Variants in LRRC4C observed in about 807,000 individuals in gnomAD.
LRRC4C encodes leucine rich repeat containing 4C.
In LRRC4C, 5 loss-of-function variants were observed where a neutral mutation model predicts 33.6. The observed-to-expected ratio is 0.15, with a 90% CI of 0.08 to 0.31. The LOEUF (loss-of-function observed/expected upper bound fraction) is 0.31, where lower values mean the gene tolerates loss of function less well. LRRC4C is among the 10% of genes least tolerant of loss of function. LRRC4C has a pLI of 1.00. For synonymous variants in LRRC4C, 329 were observed against 302.0 expected, an observed-to-expected ratio of 1.09 and a Z score of -0.93; for missense variants, 560 against 796.7, an observed-to-expected ratio of 0.70 and a Z score of 3.58.
chr11:41,385,306 C>T (rs1055826801), intron 1 of LRRC4C, among the ~76,000 whole-genome samples: 2 of 151,558 alleles, frequency 1.3e-5, no homozygotes, highest in African/African-American at 4.8e-5. Flanking sequence ...AGAATATACT[C>T]TTGTATTTCT....
intron 1 of LRRC4C, among the ~76,000 whole-genome samples, chr11:40,936,372 C>G (rs1358928538): frequency 7.5e-6 from 1 of 133,414 alleles, no homozygotes; most frequent in African/African-American, 2.8e-5. Context: ...GAGTCTCACT[C>G]TGCTGCCCAG....
intron 2 of LRRC4C, among the ~76,000 whole-genome samples, chr11:40,675,115 C>T (rs1256166669): frequency 6.6e-6 from 1 of 152,066 alleles, no homozygotes; most frequent in Non-Finnish European, 1.5e-5. Flanking sequence ...GTTTACTATA[C>T]ATTTAATGAA....
chr11:40,300,763 G>A (rs1476263137), intron 4 of LRRC4C, among the ~76,000 whole-genome samples: 1 of 152,156 alleles, frequency 6.6e-6, no homozygotes, highest in East Asian at 1.9e-4. Flanking sequence ...GTAATACCCA[G>A]CACTTGGCAA....
chr11:40,610,212 C>A (rs377371175), intron 3 of LRRC4C, among the ~76,000 whole-genome samples: 2 of 151,884 alleles, frequency 1.3e-5, no homozygotes, highest in African/African-American at 4.8e-5. Flanking sequence ...TCCTGGAGTA[C>A]CAAGATAGTT....
At position 40,989,798 on chromosome 11, in the gene LRRC4C, G is replaced by T. The variant is rs552212238; in HGVS notation, c.-495-56075C>A. On this transcript the variant is annotated intron_variant, in intron 1 of 6. Coordinates refer to ENST00000528697, the MANE Select transcript of LRRC4C (RefSeq NM_001258419.2). ...ATCTTAGCATTTAATGTGTTTTAAA[G>T]GTACAGTCAGCCCTCCATATCCTTG... Among the ~76,000 whole-genome samples, 186 of 151,950 alleles carry T rather than the reference G, an allele frequency of 1.2e-3. 1 individual carries two copies. The highest frequency in any genetic ancestry group is 4.3e-3 in the African/African-American group (179 of 41,452).
intron 4 of LRRC4C, among the ~76,000 whole-genome samples, chr11:40,283,113 C>T (rs1452462): frequency 0.98 from 149,478 of 152,352 alleles, 73,390 homozygotes; most frequent in Middle Eastern, 1. Flanking sequence ...GCAGACTTCA[C>T]GAACAACGTC....
At chr11:40,366,046 C>G (rs1948194122) in intron 3 of LRRC4C, among the ~76,000 whole-genome samples, 1 of 151,960 alleles carries the variant, frequency 6.6e-6, no homozygotes, top group Admixed American at 6.6e-5. Context: ...AACCAACTAT[C>G]TCTATTACTT....
chr11:40,696,217 G>C (rs1481140923), intron 2 of LRRC4C, among the ~76,000 whole-genome samples: 1 of 144,756 alleles, frequency 6.9e-6, no homozygotes, highest in Admixed American at 7.0e-5. Flanking sequence ...ATATGTATAT[G>C]AATTAGCCAA....
At chr11:41,165,283 A>G (rs1743727336) in intron 1 of LRRC4C, among the ~76,000 whole-genome samples, 1 of 152,092 alleles carries the variant, frequency 6.6e-6, no homozygotes, top group Non-Finnish European at 1.5e-5. Context: ...CAATAAGGGT[A>G]TGGGATCACC....
intron 1 of LRRC4C, among the ~76,000 whole-genome samples, chr11:41,003,205 T>C (rs1391213354): frequency 6.6e-6 from 1 of 152,212 alleles, no homozygotes; most frequent in African/African-American, 2.4e-5. Context: ...AAATGTTTTC[T>C]TGATATTTCT....
chr11:41,320,907 TG>T (rs1347679038), intron 1 of LRRC4C, among the ~76,000 whole-genome samples: 3 of 152,222 alleles, frequency 2.0e-5, no homozygotes, highest in Non-Finnish European at 2.9e-5. Context: ...TGAAGTCATC[TG>T]TTCCAGGCTA....
chr11:40,987,613 A>G (rs1853108519), intron 1 of LRRC4C, among the ~76,000 whole-genome samples: 1 of 140,470 alleles, frequency 7.1e-6, no homozygotes, highest in Non-Finnish European at 1.5e-5. Context: ...AGGGCTCTGC[A>G]GGTACAAGTG....
At chr11:40,784,877 A>G (rs1950346452) in intron 2 of LRRC4C, among the ~76,000 whole-genome samples, 1 of 152,156 alleles carries the variant, frequency 6.6e-6, no homozygotes, top group South Asian at 2.1e-4. Context: ...AAGCAAAGAT[A>G]AGGGGGAAAA....
At chr11:40,257,966 G>A (rs1477781480) in intron 4 of LRRC4C, among the ~76,000 whole-genome samples, 5 of 152,106 alleles carry the variant, frequency 3.3e-5, no homozygotes, top group African/African-American at 7.2e-5. Context: ...AACAGGTCCC[G>A]GGTAGAACAT....
intron 1 of LRRC4C, among the ~76,000 whole-genome samples, chr11:40,944,858 T>C (rs1432740093): frequency 2.6e-5 from 4 of 152,170 alleles, no homozygotes. Context: ...GCTTTGCCAA[T>C]AACAAGAGAA....
chr11:40,975,928 C>A (rs1410005523), intron 1 of LRRC4C, among the ~76,000 whole-genome samples: 1 of 152,124 alleles, frequency 6.6e-6, no homozygotes, highest in Non-Finnish European at 1.5e-5. Flanking sequence ...TTCCACTAGA[C>A]CTTTGTAGAG....
Position 40,732,058 on chromosome 11 carries a change from C to A in LRRC4C, c.-406-83780G>T, listed in dbSNP as rs554271391. 5.3e-3 allele frequency among the ~76,000 whole-genome samples: 330 copies of A among 62,728 alleles called. 2 individuals are homozygous for A. Among genetic ancestry groups the A allele is most frequent in the African/African-American group, 0.021 (301 of 14,500 alleles). 41.2% of individuals were successfully genotyped at this position (62,728 alleles called of 152,430 possible). A position where few individuals can be genotyped will look rare whatever the true frequency, so the allele number is the denominator to read the frequency against. ...TAAAGTAGTAATATGCAAAAAAAAA[C>A]CAAAAAAAAAACAAAGTTTAAATGC... is the stretch of plus-strand genomic sequence containing the variant. On this transcript the variant is annotated intron_variant, in intron 2 of 6. Coordinates refer to ENST00000528697, the MANE Select transcript of LRRC4C (RefSeq NM_001258419.2).
At chr11:40,731,057 C>T (rs997228974) in intron 2 of LRRC4C, among the ~76,000 whole-genome samples, 24 of 151,984 alleles carry the variant, frequency 1.6e-4, no homozygotes, top group African/African-American at 2.2e-4. Context: ...TGGTGGCTCA[C>T]GCCTGTAATC....
intron 1 of LRRC4C, among the ~76,000 whole-genome samples, chr11:40,937,603 ATGTGTGTGTGTGTGTG>A (rs35416837): frequency 2.9e-5 from 4 of 135,898 alleles, no homozygotes; most frequent in East Asian, 2.2e-4. Context: ...GTGTGTGTAT[ATGTGTGTGTGTGTGTG>A]TGTGTGTGTG....
Sources: allele counts gnomAD v4.1 joint callset (sites outside exome capture counted in the v4.1 genomes callset), GRCh38; gene constraint gnomAD v4.1.1; transcripts MANE v1.5; gene names NCBI Gene and HGNC (gene_info 2026-07-23, HGNC 2026-07-21).